The following ALDH1L2 variants were observed in gnomAD, a reference collection of about 807,000 sequenced individuals.
ALDH1L2 encodes the protein mitochondrial 10-formyltetrahydrofolate dehydrogenase.
ALDH1L2 carries 91 observed loss-of-function variants against 111.0 expected under a neutral mutation model. That is an observed-to-expected ratio of 0.82 (90% CI 0.69 to 0.98). The LOEUF is 0.98. Ranked by LOEUF, ALDH1L2 falls within the 50% of genes least tolerant of loss-of-function variation. The pLI is 0.00. For synonymous variants in ALDH1L2, 374 were observed against 392.6 expected, an observed-to-expected ratio of 0.95 and a Z score of 0.56; for missense variants, 995 against 1,126.8, an observed-to-expected ratio of 0.88 and a Z score of 1.67.
Position 105,068,813 on chromosome 12 carries a change from G to T in ALDH1L2, c.500C>A (p.Pro167His). The T allele has an allele frequency of 6.2e-7, 1 of 1,608,264 alleles. No homozygotes were observed. Among genetic ancestry groups the T allele is most frequent in the South Asian group, 1.1e-5 (1 of 89,950 alleles). ...FWADDGLDTGPILLQRSCDVE... is the reference protein window; with the variant it reads ...FWADDGLDTGHILLQRSCDVE... ...ATCACATGATCTCTGAAGAAGGATG[G>T]GTCCTGTATCCAAGCCATCATCAGC... Residue 167 changes from proline to histidine, a missense_variant, in exon 4 of 23, where the codon CCC becomes CAC. Physicochemically the swap from Pro to His is moderately conservative, Grantham distance 77. Transcript: ENST00000258494.
chr12:105,072,090 A>C (rs1338407046), intron 2 of ALDH1L2, among the ~76,000 whole-genome samples: 1 of 150,126 alleles, frequency 6.7e-6, no homozygotes, highest in East Asian at 1.9e-4. Flanking sequence ...TTTCTCTAAA[A>C]AAATGTGTTT....
chr12:105,080,819 A>C (rs1878303143), intron 1 of ALDH1L2, among the ~76,000 whole-genome samples: 1 of 152,206 alleles, frequency 6.6e-6, no homozygotes, highest in Admixed American at 6.5e-5. Flanking sequence ...TCAAATGTTC[A>C]GATTTGGGAT....
intron 9 of ALDH1L2, 57 bp downstream of exon 9, chr12:105,060,924 A>G (rs886088234): frequency 1.9e-6 from 3 of 1,538,816 alleles, no homozygotes; most frequent in Non-Finnish European, 1.8e-6. Context: ...TGTCAAAGCC[A>G]AAGTCAAAAT....
chr12:105,072,675 T>TA (rs1208208053), intron 2 of ALDH1L2, among the ~76,000 whole-genome samples: 20 of 152,086 alleles, frequency 1.3e-4, no homozygotes, highest in Non-Finnish European at 2.4e-4. Flanking sequence ...GTCTTCATTG[T>TA]AAAAAAATGT....
intron 15 of ALDH1L2, among the ~76,000 whole-genome samples, chr12:105,041,172 G>A (rs2081435791): frequency 6.6e-6 from 1 of 152,186 alleles, no homozygotes; most frequent in Admixed American, 6.5e-5. Flanking sequence ...TCCCAATAAT[G>A]TCTTACAGCA....
chr12:105,081,641 A>G (rs1043074425), intron 1 of ALDH1L2, among the ~76,000 whole-genome samples: 2 of 152,228 alleles, frequency 1.3e-5, no homozygotes, highest in African/African-American at 4.8e-5. Context: ...GGGCAATAAT[A>G]TCTAATTGAC....
At chr12:105,067,215 CAAA>C (rs11334156) in intron 4 of ALDH1L2, among the ~76,000 whole-genome samples, 14 of 97,240 alleles carry the variant, frequency 1.4e-4, no homozygotes, top group Admixed American at 2.2e-4. Context: ...GACTCTGTCT[CAAA>C]AAAAAAAAAA....
At chr12:105,065,881 G>T (rs1877324374) in intron 5 of ALDH1L2, among the ~76,000 whole-genome samples, 1 of 152,164 alleles carries the variant, frequency 6.6e-6, no homozygotes, top group Non-Finnish European at 1.5e-5. Flanking sequence ...TATTGTCACT[G>T]CAGGGAGGTT....
At chr12:105,071,451 C>A (rs1459709548) in intron 2 of ALDH1L2, among the ~76,000 whole-genome samples, 1 of 151,640 alleles carries the variant, frequency 6.6e-6, no homozygotes, top group Non-Finnish European at 1.5e-5. Flanking sequence ...TGTCCCCTCC[C>A]AAACAAATGG....
chr12:105,037,290 A>G (rs531430455), intron 18 of ALDH1L2, among the ~76,000 whole-genome samples: 1 of 152,224 alleles, frequency 6.6e-6, no homozygotes, highest in Non-Finnish European at 1.5e-5. Context: ...TGTTGCAAAA[A>G]TAATGTGAGA....
chr12:105,065,232 G>C, intron 6 of ALDH1L2, 35 bp downstream of exon 6: 8 of 1,220,166 alleles, frequency 6.6e-6, no homozygotes, highest in Non-Finnish European at 8.9e-6. Flanking sequence ...TAATAATCGG[G>C]GAGGGGGGTG....
rs147809577 is a variant in ALDH1L2, at chr12:105,070,739, T to C, written c.259A>G (p.Thr87Ala). ...TAGGCTTCTGCCACTTCTTTGATGG[T>C]CTTGCCCTTGACCCTCCATTTAGGA... is the stretch of plus-strand genomic sequence containing the variant. ...KLPKWRVKGK[T>A]IKEVAEAYRS... The change falls in exon 3 of 23, where the codon ACC becomes GCC. Residue 87 changes from threonine (T) to alanine (A), a missense_variant. Coordinates refer to ENST00000258494, the MANE Select transcript of ALDH1L2 (RefSeq NM_001034173.4). 565 of 1,614,116 alleles carry C rather than the reference T, an allele frequency of 3.5e-4. 1 individual carries two copies. The highest frequency in any genetic ancestry group is 7.2e-4 in the Admixed American group (43 of 60,012).
intron 10 of ALDH1L2, among the ~76,000 whole-genome samples, chr12:105,057,145 A>G (rs1241974423): frequency 6.6e-6 from 1 of 152,160 alleles, no homozygotes; most frequent in African/African-American, 2.4e-5. Flanking sequence ...CAAATGCCCA[A>G]TAAGTATATG....
chr12:105,034,598 G>T (rs1240509855), intron 18 of ALDH1L2, among the ~76,000 whole-genome samples, 200 bp from the exon 19 acceptor site: 1 of 152,060 alleles, frequency 6.6e-6, no homozygotes, highest in Non-Finnish European at 1.5e-5. Flanking sequence ...GAGAGATTTT[G>T]TTTATCCTTT....
rs1367345070 is a variant in ALDH1L2 at position 105,023,903 on chromosome 12, T to TA, written c.*520dup. ...AGGTTGATCACCCATCACAGTGGGT[T>TA]AAAAAATGGAATATCAAAGGCACAA... On this transcript the variant is annotated 3_prime_UTR_variant, in exon 23 of 23. Transcript: ENST00000258494. The TA allele has an allele frequency of 6.4e-6, 1 of 155,196 alleles. No homozygotes were observed. Among genetic ancestry groups the TA allele is most frequent in the South Asian group, 2.0e-4 (1 of 4,994 alleles). The allele number at this position is 155,196 out of a possible 1,614,324, so 9.6% of individuals were successfully genotyped here. A position where few individuals can be genotyped will look rare whatever the true frequency, so the allele number is the denominator to read the frequency against.
intron 21 of ALDH1L2, among the ~76,000 whole-genome samples, chr12:105,029,644 C>G (rs1210728175): frequency 1.3e-5 from 2 of 151,926 alleles, no homozygotes; most frequent in Non-Finnish European, 1.5e-5. Context: ...CCCCTGAAGT[C>G]TTTTATACTA....
chr12:105,065,420 G>C (rs762412646), intron 5 of ALDH1L2, 64 bp from the exon 6 acceptor site: 3 of 1,369,800 alleles, frequency 2.2e-6, no homozygotes, highest in Non-Finnish European at 3.1e-6. Context: ...CAATAAAAAC[G>C]CTTCTCGTCA....
chr12:105,065,335 C>T lies in ALDH1L2; in HGVS notation c.718G>A (p.Glu240Lys), dbSNP rs776063077. Residue 240 changes from glutamate (E) to lysine (K), a missense_variant, in exon 6 of 23, where the codon GAA becomes AAA. Transcript: ENST00000258494. ...CCTCGAATCCAGTTATGTAAAACTTCGGCAGACTGGTCCCAAGAAATCTAG... is the reference window on the plus strand; with the variant it reads ...CCTCGAATCCAGTTATGTAAAACTTTGGCAGACTGGTCCCAAGAAATCTAG... ...NAEISWDQSA[E>K]VLHNWIRGHD... 7 of 1,611,792 alleles carry T rather than the reference C, an allele frequency of 4.3e-6. No homozygotes were observed. The highest frequency in any genetic ancestry group is 2.2e-5 in the East Asian group (1 of 44,770).
intron 20 of ALDH1L2, 26 bp downstream of exon 20, chr12:105,031,743 G>A (rs1409779443): frequency 1.9e-6 from 3 of 1,606,208 alleles, no homozygotes; most frequent in Non-Finnish European, 2.6e-6. Context: ...CGGGCACCCG[G>A]TAAACCCCCA....
Sources: allele counts gnomAD v4.1 joint callset (sites outside exome capture counted in the v4.1 genomes callset), GRCh38; gene constraint gnomAD v4.1.1; transcripts MANE v1.5; gene names NCBI Gene and HGNC (gene_info 2026-07-23, HGNC 2026-07-21).